ITGA8: variants seen among roughly 807,000 people sequenced by gnomAD.
ITGA8 encodes integrin subunit alpha 8.
A neutral mutation model predicts 142.3 loss-of-function variants in ITGA8; 91 were observed. The ratio of observed to expected loss-of-function variants is 0.64; its 90% CI spans 0.54 to 0.76. ITGA8 has a LOEUF of 0.76. Among genes scored for constraint, ITGA8 ranks in the 30% least tolerant of loss-of-function variants. The pLI is 0.00. For synonymous variants in ITGA8, 505 were observed against 485.2 expected, an observed-to-expected ratio of 1.04 and a Z score of -0.54; for missense variants, 1,406 against 1,327.7, an observed-to-expected ratio of 1.06 and a Z score of -0.92.
intron 15 of ITGA8, among the ~76,000 whole-genome samples, chr10:15,610,730 AG>A (rs1186738813): frequency 6.6e-6 from 1 of 152,208 alleles, no homozygotes. Flanking sequence ...ACGATTTAAA[AG>A]TACAAAGCAA....
At chr10:15,683,837 G>A (rs541615500) in intron 4 of ITGA8, among the ~76,000 whole-genome samples, 167 bp downstream of exon 4, 6 of 152,158 alleles carry the variant, frequency 3.9e-5, no homozygotes, top group Non-Finnish European at 7.3e-5. Context: ...TTGACTTGCT[G>A]TCACATCAAG....
chr10:15,521,429 G>T (rs75715464), intron 28 of ITGA8, among the ~76,000 whole-genome samples: 6,287 of 152,184 alleles, frequency 0.041, 424 homozygotes, highest in African/African-American at 0.14. Context: ...CCATGCAGCA[G>T]ATGCTGATGA....
chr10:15,608,267 G>T lies in ITGA8; in HGVS notation c.1577C>A (p.Ser526Tyr). The change falls in exon 16 of 30, where the codon TCT (serine) becomes TAT (tyrosine). Residue 526 changes from serine (S) to tyrosine (Y), a missense_variant. Coordinates refer to ENST00000378076, the MANE Select transcript of ITGA8 (RefSeq NM_003638.3). ...AACFSLRVCA[S>Y]VTGQSIANTI... ...GTTTGCAATGCTCTGGCCTGTGACA[G>T]ATGCACATACTCTTAAAGAAAAGCT... is the stretch of plus-strand genomic sequence containing the variant. 1 of 1,596,410 alleles carries T rather than the reference G, an allele frequency of 6.3e-7. No individual in the cohort carries two copies. The highest frequency in any genetic ancestry group is 1.1e-5 in the South Asian group (1 of 87,810).
rs1410918692 is a variant in ITGA8, at chr10:15,605,785, T to G, written c.1909A>C (p.Ile637Leu). The change falls in exon 19 of 30, where the codon ATT becomes CTT. Residue 637 changes from isoleucine (I) to leucine (L), a missense_variant. Physicochemically the swap from Ile to Leu is conservative, Grantham distance 5. Transcript: ENST00000378076. Reference protein sequence around the residue: ...RENIVSEQAHILVDCGEDNLC... With the variant: ...RENIVSEQAHLLVDCGEDNLC... ...TTGTCTTCTCCACAGTCCACCAGAA[T>G]GTGAGCCTGTGTTGTATAAACGCAC... 3 of 1,613,382 alleles carry G rather than the reference T, an allele frequency of 1.9e-6. No homozygotes were observed. In the East Asian group the frequency reaches 6.7e-5, roughly 36 times the overall value.
chr10:15,541,407 G>A (rs947843992), intron 27 of ITGA8, among the ~76,000 whole-genome samples: 1 of 152,122 alleles, frequency 6.6e-6, no homozygotes, highest in African/African-American at 2.4e-5. Flanking sequence ...CCAGAGAAAG[G>A]CATCAAAAAT....
rs148924730 is a variant in ITGA8, at chr10:15,518,448, A to G, written c.3105+842T>C. Among the ~76,000 whole-genome samples, 7 of 152,388 alleles carry G rather than the reference A, an allele frequency of 4.6e-5. No homozygotes were observed. In the East Asian group the frequency reaches 1.2e-3, roughly 25 times the overall value. ...AGGATGTCACAAAGAGCTGATAACG[A>G]TCAGAAACGCCATTCCTTAACTCAA... On this transcript the variant is annotated intron_variant, in intron 29 of 29. Transcript: ENST00000378076.
At chr10:15,584,296 A>AAAAAG (rs61145722) in intron 23 of ITGA8, among the ~76,000 whole-genome samples, 35 of 89,406 alleles carry the variant, frequency 3.9e-4, no homozygotes, top group South Asian at 6.3e-4. Context: ...GACTGTCAAG[A>AAAAAG]AAAAGAAAAG....
intron 8 of ITGA8, among the ~76,000 whole-genome samples, chr10:15,668,801 G>A (rs1253823277): frequency 6.6e-6 from 1 of 152,158 alleles, no homozygotes; most frequent in African/African-American, 2.4e-5. Flanking sequence ...CTGGATATGA[G>A]ATTCTGTGTT....
chr10:15,652,743 A>G (rs187725630), intron 11 of ITGA8, among the ~76,000 whole-genome samples: 113 of 152,296 alleles, frequency 7.4e-4, no homozygotes, highest in African/African-American at 2.7e-3. Flanking sequence ...ATAACTTCGA[A>G]ATACATGCAG....
At position 15,519,819 on chromosome 10, in the gene ITGA8, T is replaced by C. The variant is rs375764143; in HGVS notation, c.2983-407A>G. On this transcript the variant is annotated intron_variant, in intron 28 of 29. Transcript: ENST00000378076. ...TCTCCTTAGAACTCAGCTAGCCTCA[T>C]TGAGAGAGGTAAGCTTGTGAACAAC... is the stretch of plus-strand genomic sequence containing the variant. 3.3e-4 allele frequency among the ~76,000 whole-genome samples: 51 copies of C among 152,264 alleles called. 1 individual carries two copies. In the South Asian group the frequency reaches 1.0e-2, roughly 30 times the overall value.
chr10:15,612,304 C>T (rs1242130136), intron 15 of ITGA8, among the ~76,000 whole-genome samples: 1 of 152,172 alleles, frequency 6.6e-6, no homozygotes, highest in Non-Finnish European at 1.5e-5. Flanking sequence ...GTATGAACTC[C>T]TGTCAAAAGG....
chr10:15,636,226 T>C (rs1223568991), intron 13 of ITGA8, among the ~76,000 whole-genome samples: 1 of 152,118 alleles, frequency 6.6e-6, no homozygotes, highest in African/African-American at 2.4e-5. Flanking sequence ...TTAGAGGAGA[T>C]CACTGGATTT....
chr10:15,549,129 C>T (rs1833736605), intron 26 of ITGA8, among the ~76,000 whole-genome samples: 2 of 151,374 alleles, frequency 1.3e-5, no homozygotes, highest in Admixed American at 1.3e-4. Context: ...AATGTGTGTT[C>T]CTCAAAAGGA....
chr10:15,554,256 C>A (rs966617558), intron 26 of ITGA8, among the ~76,000 whole-genome samples: 7 of 152,156 alleles, frequency 4.6e-5, no homozygotes, highest in Admixed American at 1.3e-4. Context: ...AACTCATGAG[C>A]CTTCTCTGTA....
intron 28 of ITGA8, among the ~76,000 whole-genome samples, chr10:15,522,630 T>A (rs1457033022): frequency 6.6e-6 from 1 of 152,232 alleles, no homozygotes; most frequent in Admixed American, 6.5e-5. Flanking sequence ...GTCCCTACTT[T>A]GAGCATGTGT....
At chr10:15,599,642 C>T (rs765306442) in intron 20 of ITGA8, among the ~76,000 whole-genome samples, 1 of 152,018 alleles carries the variant, frequency 6.6e-6, no homozygotes, top group Non-Finnish European at 1.5e-5. Context: ...AGGGGCCCAG[C>T]AGACATGGTG....
At chr10:15,709,253 C>G (rs1201113447) in intron 2 of ITGA8, among the ~76,000 whole-genome samples, 1 of 152,210 alleles carries the variant, frequency 6.6e-6, no homozygotes, top group Non-Finnish European at 1.5e-5. Context: ...GCTGCTCCAG[C>G]TTTCATTCTG....
At chr10:15,573,737 T>C (rs1016372279) in intron 24 of ITGA8, among the ~76,000 whole-genome samples, 6 of 152,142 alleles carry the variant, frequency 3.9e-5, no homozygotes, top group Non-Finnish European at 5.9e-5. Flanking sequence ...ATGAGTTACA[T>C]AGGAAAGGAA....
rs561484690 is a variant in ITGA8 at position 15,558,016 on chromosome 10, G to T, written c.2766+58C>A. ...CTTGAAGTTAAAACTATCTGTATTTGAGGGTTCTATCCAAGCCACTCATTT... is the reference window on the plus strand; with the variant it reads ...CTTGAAGTTAAAACTATCTGTATTTTAGGGTTCTATCCAAGCCACTCATTT... On this transcript the variant is annotated intron_variant, in intron 26 of 29. Transcript: ENST00000378076. 1.6e-5 allele frequency: 25 copies of T among 1,596,032 alleles called. No homozygotes were observed. The Admixed American group carries it at 1.8e-4, about 12-fold the overall frequency.
Sources: allele counts gnomAD v4.1 joint callset (sites outside exome capture counted in the v4.1 genomes callset), GRCh38; gene constraint gnomAD v4.1.1; transcripts MANE v1.5; gene names NCBI Gene and HGNC (gene_info 2026-07-23, HGNC 2026-07-21).